RBFOX1: variants seen among roughly 807,000 people sequenced by gnomAD.
RBFOX1 encodes RNA binding protein fox-1 homolog 1.
RBFOX1 carries 8 observed loss-of-function variants against 57.7 expected under a neutral mutation model. The ratio of observed to expected loss-of-function variants is 0.14; its 90% CI spans 0.08 to 0.25. The LOEUF (loss-of-function observed/expected upper bound fraction) is 0.25, where lower values mean the gene tolerates loss of function less well. RBFOX1 is among the 10% of genes least tolerant of loss of function. RBFOX1 has a pLI of 1.00. For missense variants in RBFOX1, 611 were observed against 548.5 expected, an observed-to-expected ratio of 1.11 and a Z score of -1.14; for synonymous variants, 326 against 222.4, an observed-to-expected ratio of 1.47 and a Z score of -4.15.
intron 11 of RBFOX1, among the ~76,000 whole-genome samples, chr16:7,653,368 AG>A (rs1309700828): frequency 3.9e-5 from 6 of 152,028 alleles, no homozygotes; most frequent in African/African-American, 1.4e-4. Context: ...CAGGTGTGGT[AG>A]CACACTTCTA....
chr16:7,134,915 G>C (rs750051475), intron 4 of RBFOX1, among the ~76,000 whole-genome samples: 1 of 151,384 alleles, frequency 6.6e-6, no homozygotes, highest in African/African-American at 2.4e-5. Context: ...GGTGGTTGCC[G>C]TTGAATTTAT....
intron 4 of RBFOX1, among the ~76,000 whole-genome samples, chr16:7,174,516 C>G (rs569885194): frequency 1.3e-5 from 2 of 152,182 alleles, no homozygotes; most frequent in African/African-American, 2.4e-5. Flanking sequence ...CGCAGTGGCT[C>G]ACACCTGCAA....
At chr16:6,273,043 C>G (rs531002918) in intron 1 of RBFOX1, among the ~76,000 whole-genome samples, 38 of 151,800 alleles carry the variant, frequency 2.5e-4, no homozygotes, top group Middle Eastern at 3.2e-3. Flanking sequence ...GTGAGTCACC[C>G]GAGGTCAGGA....
chr16:7,199,149 A>G (rs75416702), intron 4 of RBFOX1, among the ~76,000 whole-genome samples: 4,954 of 152,266 alleles, frequency 0.033, 122 homozygotes, highest in South Asian at 0.092. Context: ...TGTTGATGAG[A>G]AAATTGGAAA....
chr16:6,832,142 C>T (rs4786124), intron 3 of RBFOX1, among the ~76,000 whole-genome samples: 1 of 151,938 alleles, frequency 6.6e-6, no homozygotes, highest in Non-Finnish European at 1.5e-5. Context: ...TCAAAGCCTG[C>T]GATTCAACTT....
chr16:6,154,334 A>G (rs1028394076), intron 1 of RBFOX1, among the ~76,000 whole-genome samples: 11 of 152,388 alleles, frequency 7.2e-5, no homozygotes, highest in Non-Finnish European at 7.3e-5. Flanking sequence ...AGATAATGGT[A>G]TAAGCAAGGT....
intron 3 of RBFOX1, among the ~76,000 whole-genome samples, chr16:6,862,611 C>T (rs750175442): frequency 3.9e-5 from 6 of 152,158 alleles, no homozygotes; most frequent in South Asian, 2.1e-4. Context: ...GAGGAAGTGA[C>T]ATGAATGAAG....
intron 3 of RBFOX1, among the ~76,000 whole-genome samples, chr16:6,768,422 C>CAT (rs1178819941): frequency 5.3e-5 from 8 of 151,822 alleles, no homozygotes; most frequent in African/African-American, 1.7e-4. Flanking sequence ...GCAAATCAAA[C>CAT]ATATAAGAGT....
At chr16:7,180,969 T>C (rs932507917) in intron 4 of RBFOX1, among the ~76,000 whole-genome samples, 2 of 152,198 alleles carry the variant, frequency 1.3e-5, no homozygotes, top group African/African-American at 2.4e-5. Context: ...GCTTTGCAGT[T>C]GTAGAGAAAA....
At chr16:5,369,116 C>G (rs750166117) in intron 1 of RBFOX1, among the ~76,000 whole-genome samples, 3 of 152,174 alleles carry the variant, frequency 2.0e-5, no homozygotes, top group Non-Finnish European at 4.4e-5. Flanking sequence ...GTTCTCCTGT[C>G]TCAGCCTCAC....
chr16:7,064,950 G>A (rs2055584117), intron 4 of RBFOX1, among the ~76,000 whole-genome samples: 1 of 152,150 alleles, frequency 6.6e-6, no homozygotes. Flanking sequence ...TCCCTTGGGG[G>A]ATAGAGATGA....
At chr16:6,425,515 G>A (rs1801514025) in intron 2 of RBFOX1, among the ~76,000 whole-genome samples, 1 of 152,174 alleles carries the variant, frequency 6.6e-6, no homozygotes, top group South Asian at 2.1e-4. Context: ...CAGTCTTATA[G>A]GGCAGGAGCC....
At chr16:6,031,215 G>C (rs2095283967) in intron 1 of RBFOX1, among the ~76,000 whole-genome samples, 2 of 152,144 alleles carry the variant, frequency 1.3e-5, no homozygotes, top group African/African-American at 4.8e-5. Context: ...GAAGAGAAGA[G>C]AGGAGACCAT....
At chr16:6,978,074 C>A (rs553215686) in intron 3 of RBFOX1, among the ~76,000 whole-genome samples, 1 of 151,914 alleles carries the variant, frequency 6.6e-6, no homozygotes, top group Non-Finnish European at 1.5e-5. Flanking sequence ...ACCCCGCCCC[C>A]CTTCATGTGG....
intron 3 of RBFOX1, among the ~76,000 whole-genome samples, chr16:6,823,939 G>A (rs554797057): frequency 3.9e-5 from 6 of 152,304 alleles, no homozygotes; most frequent in Admixed American, 3.9e-4. Context: ...GTAAGAAACG[G>A]TGTCCTGGAA....
chr16:7,076,718 A>C (rs114685740), intron 4 of RBFOX1, among the ~76,000 whole-genome samples: 1,546 of 152,308 alleles, frequency 0.01, 30 homozygotes, highest in African/African-American at 0.035. Flanking sequence ...CCCATTTCTA[A>C]CCAAGATGTT....
intron 4 of RBFOX1, among the ~76,000 whole-genome samples, chr16:7,155,780 C>T (rs1295853477): frequency 7.2e-6 from 1 of 139,678 alleles, no homozygotes; most frequent in Non-Finnish European, 1.5e-5. Context: ...TATACAGACA[C>T]ATATATAATC....
intron 3 of RBFOX1, among the ~76,000 whole-genome samples, chr16:6,884,582 T>C (rs1201925054): frequency 6.6e-6 from 1 of 152,140 alleles, no homozygotes; most frequent in Non-Finnish European, 1.5e-5. Flanking sequence ...ATTACCCCCA[T>C]TTTGAAGAGA....
intron 2 of RBFOX1, among the ~76,000 whole-genome samples, chr16:6,447,097 C>T (rs2094499710): frequency 6.6e-6 from 1 of 152,200 alleles, no homozygotes; most frequent in Admixed American, 6.5e-5. Context: ...AACCGCACAC[C>T]AGATTGCGAA....
Sources: allele counts gnomAD v4.1 joint callset (sites outside exome capture counted in the v4.1 genomes callset), GRCh38; gene constraint gnomAD v4.1.1; transcripts MANE v1.5; gene names NCBI Gene and HGNC (gene_info 2026-07-23, HGNC 2026-07-21).